The following TCF20 variants were observed in gnomAD, a reference collection of about 807,000 sequenced individuals.
The protein encoded by TCF20 is transcription factor 20.
TCF20 carries 3 observed loss-of-function variants against 148.6 expected under a neutral mutation model. That is an observed-to-expected ratio of 0.02 (90% CI 0.01 to 0.05). TCF20 has a LOEUF of 0.05. Among genes scored for constraint, TCF20 ranks in the 10% least tolerant of loss-of-function variants. The pLI is 1.00. For synonymous variants in TCF20, 1,049 were observed against 909.5 expected (o/e 1.15, Z -2.76); for missense variants, 2,350 against 2,429.3 (o/e 0.97, Z 0.69).
chr22:42,319,594 T>C (rs189410080), intron 1 of TCF20, among the ~76,000 whole-genome samples: 9 of 152,316 alleles, frequency 5.9e-5, no homozygotes, highest in Admixed American at 5.9e-4. Context: ...AAGCAAGTAG[T>C]CAACGGGCAG....
intron 1 of TCF20, chr22:42,276,739 G>A (rs1926788409): frequency 6.6e-6 from 1 of 152,126 alleles, no homozygotes; most frequent in African/African-American, 2.4e-5. Context: ...ATTGTCTTCT[G>A]GAAGCAGCCA....
At chr22:42,340,123 T>G (rs1484718394) in intron 1 of TCF20, among the ~76,000 whole-genome samples, 2 of 152,194 alleles carry the variant, frequency 1.3e-5, no homozygotes, top group African/African-American at 4.8e-5. Flanking sequence ...TTACCTGTTC[T>G]GCTTCACTGG....
At chr22:42,225,468 G>A (rs984212878) in intron 1 of TCF20, among the ~76,000 whole-genome samples, 4 of 150,776 alleles carry the variant, frequency 2.7e-5, no homozygotes, top group Admixed American at 1.3e-4. Flanking sequence ...CAAAAAATTA[G>A]CCGGGCGCGG....
rs1601706526 is a variant in TCF20 at position 42,323,554 on chromosome 22, G to T, written c.-37+19925C>A. Among the ~76,000 whole-genome samples, 5 of 151,882 alleles carry T rather than the reference G, an allele frequency of 3.3e-5. No homozygotes were observed. The South Asian group carries it at 8.3e-4, about 25-fold the overall frequency. ...GTGGCAGCTGACCCGAGCCATGCAG[G>T]GCTCCAAAGTGAGAGCTTTCAGGAG... On this transcript the variant is annotated intron_variant, in intron 1 of 1. Coordinates refer to the TCF20 transcript ENST00000515426.
At position 42,332,290 on chromosome 22, in the gene TCF20, C is replaced by G. The variant is rs540436954; in HGVS notation, c.-37+11189G>C. Among the ~76,000 whole-genome samples, 267 of 152,266 alleles carry G rather than the reference C, an allele frequency of 1.8e-3. 1 individual carries two copies. The highest frequency in any genetic ancestry group is 6.2e-3 in the African/African-American group (256 of 41,538). On this transcript the variant is annotated intron_variant, in intron 1 of 1. Transcript: ENST00000515426. Reference sequence around the variant, plus strand: ...GGTCGGAACAGCAAGTGCAAAGGCCCTGAGGTAGGAAGCAGCTCAGGGCTT... The same window carrying G: ...GGTCGGAACAGCAAGTGCAAAGGCCGTGAGGTAGGAAGCAGCTCAGGGCTT...
intron 1 of TCF20, among the ~76,000 whole-genome samples, chr22:42,260,353 A>G (rs1436854485): frequency 6.6e-6 from 1 of 152,194 alleles, no homozygotes; most frequent in Non-Finnish European, 1.5e-5. Flanking sequence ...AGACCACTGG[A>G]GCATTTTAGG....
chr22:42,334,857 G>T (rs1045833776), intron 1 of TCF20, among the ~76,000 whole-genome samples: 8 of 152,186 alleles, frequency 5.3e-5, no homozygotes, highest in Admixed American at 1.3e-4. Flanking sequence ...CGTCCCATGG[G>T]ACTTTTAGTC....
chr22:42,293,103 G>C (rs183106204), intron 1 of TCF20, among the ~76,000 whole-genome samples: 81 of 152,270 alleles, frequency 5.3e-4, no homozygotes, highest in Non-Finnish European at 8.5e-4. Context: ...AGGAGGCCAA[G>C]TGTCCTTCCT....
chr22:42,223,724 T>C (rs1009028291), intron 1 of TCF20, among the ~76,000 whole-genome samples: 3 of 152,248 alleles, frequency 2.0e-5, no homozygotes, highest in African/African-American at 4.8e-5. Context: ...TAGAATTTAG[T>C]TGACTGCTTG....
chr22:42,243,766 TCA>T (rs577542188), intron 1 of TCF20, among the ~76,000 whole-genome samples: 8 of 152,334 alleles, frequency 5.3e-5, no homozygotes, highest in African/African-American at 1.9e-4. Flanking sequence ...CTCTTATTGC[TCA>T]TTTTTTCTGT....
intron 2 of TCF20, among the ~76,000 whole-genome samples, chr22:42,203,057 C>A (rs1426103588): frequency 6.6e-6 from 1 of 152,182 alleles, no homozygotes; most frequent in Non-Finnish European, 1.5e-5. Context: ...TTTAACATCC[C>A]AGGGATGAGT....
chr22:42,260,984 C>CT (rs1925997879), intron 1 of TCF20, among the ~76,000 whole-genome samples: 1 of 152,172 alleles, frequency 6.6e-6, no homozygotes, highest in Non-Finnish European at 1.5e-5. Context: ...TTTCTATACT[C>CT]TAAAAAGTTC....
chr22:42,202,301 A>G lies in TCF20; in HGVS notation c.5655+7350T>C, dbSNP rs150408344. On this transcript the variant is annotated intron_variant, in intron 2 of 5. Coordinates refer to ENST00000677622, the MANE Select transcript of TCF20 (RefSeq NM_001378418.1). ...CTTGCATTTCCTCTGAAACCACCTA[A>G]CTGTTGAAATGTGCCAAACACTGCT... Among the ~76,000 whole-genome samples the G allele has an allele frequency of 3.9e-3, 599 of 152,270 alleles. 2 individuals are homozygous for G. Among genetic ancestry groups the G allele is most frequent in the Non-Finnish European group, 6.0e-3 (408 of 68,006 alleles).
intron 1 of TCF20, among the ~76,000 whole-genome samples, chr22:42,224,202 T>C (rs368796375): frequency 3.9e-5 from 6 of 152,254 alleles, no homozygotes; most frequent in African/African-American, 1.4e-4. Context: ...CCAGGCGCAG[T>C]GGCTCACGCC....
chr22:42,197,212 A>G (rs1937635154), intron 2 of TCF20, among the ~76,000 whole-genome samples: 1 of 152,228 alleles, frequency 6.6e-6, no homozygotes, highest in Non-Finnish European at 1.5e-5. Flanking sequence ...ACATCAACTC[A>G]AAAGCTTCCA....
chr22:42,323,910 G>GGTGGAGGTTATGGTGGTGGTGGTGGTA (rs1927792321), intron 1 of TCF20, among the ~76,000 whole-genome samples: 1 of 126,270 alleles, frequency 7.9e-6, no homozygotes, highest in Non-Finnish European at 1.7e-5. Flanking sequence ...TGGAGGTGGT[G>GGTGGAGGTTATGGTGGTGGTGGTGGTA]GTGGTGATGG....
chr22:42,336,212 G>A (rs1224112651), intron 1 of TCF20, among the ~76,000 whole-genome samples: 1 of 152,118 alleles, frequency 6.6e-6, no homozygotes, highest in Non-Finnish European at 1.5e-5. Flanking sequence ...GCAAGAACTG[G>A]GTGTGTCCAG....
Position 42,211,393 on chromosome 22 carries a change from T to A in TCF20, c.3913A>T (p.Ser1305Cys). ...TTAGGGATAGACTTGATATCCTGAC[T>A]GTGAGAAAGATGGGCATAGGAATTG... is the stretch of plus-strand genomic sequence containing the variant. ...AFNSYAHLSH[S>C]QDIKSIPKRD... Residue 1305 changes from serine to cysteine, a missense_variant, in exon 2 of 6, where the codon AGT (serine) becomes TGT (cysteine). Physicochemically the swap from Ser to Cys is moderately radical, Grantham distance 112. Coordinates refer to ENST00000677622, the MANE Select transcript of TCF20 (RefSeq NM_001378418.1). 1 of 1,614,226 alleles carries A rather than the reference T, an allele frequency of 6.2e-7. No homozygotes were observed. Among genetic ancestry groups the A allele is most frequent in the Non-Finnish European group, 8.5e-7 (1 of 1,180,040 alleles).
intron 3 of TCF20, among the ~76,000 whole-genome samples, chr22:42,176,550 G>A (rs963464596): frequency 6.6e-6 from 1 of 152,190 alleles, no homozygotes; most frequent in Non-Finnish European, 1.5e-5. Flanking sequence ...TCCGTGGACA[G>A]CCCTGCTTCT....
Sources: gnomAD v4.1 joint callset for allele counts (sites outside exome capture counted in the v4.1 genomes callset) on GRCh38, gnomAD v4.1.1 for gene constraint, MANE v1.5 for transcripts, NCBI Gene and HGNC (gene_info 2026-07-23, HGNC 2026-07-21) for gene names.